BPTF: variants seen among roughly 807,000 people sequenced by gnomAD.
BPTF encodes bromodomain PHD finger transcription factor.
A neutral mutation model predicts 292.5 loss-of-function variants in BPTF; 18 were observed. That is an observed-to-expected ratio of 0.06 (90% CI 0.04 to 0.09). The LOEUF is 0.09. Ranked by LOEUF, BPTF falls within the 10% of genes least tolerant of loss-of-function variation. The pLI is 1.00. For synonymous variants in BPTF, 1,225 were observed against 1,251.9 expected (o/e 0.98, Z 0.45); for missense variants, 2,726 against 3,498.7 (o/e 0.78, Z 5.57).
rs112421831 is a variant in BPTF, at chr17:67,949,676, C to T, written c.7926+1370C>T. Among the ~76,000 whole-genome samples, 132 of 28,042 alleles carry T rather than the reference C, an allele frequency of 4.7e-3. No homozygotes were observed. The East Asian group carries it at 0.11, about 23-fold the overall frequency. 18.4% of individuals were successfully genotyped at this position (28,042 alleles called of 152,430 possible). On this transcript the variant is annotated intron_variant, in intron 23 of 27. Transcript: ENST00000306378. ...ATACACACAGACATATATATATATA[C>T]ACACAGACATACATATATATATACA...
intron 2 of BPTF, among the ~76,000 whole-genome samples, chr17:67,864,060 A>T (rs1052785844): frequency 6.6e-5 from 10 of 152,150 alleles, no homozygotes; most frequent in African/African-American, 2.4e-4. Context: ...GAGCCTGAGG[A>T]ACATGGTAGG....
chr17:67,967,816 C>CAAA (rs58143986), intron 26 of BPTF, among the ~76,000 whole-genome samples: 33 of 97,158 alleles, frequency 3.4e-4, no homozygotes, highest in African/African-American at 1.2e-3. Flanking sequence ...GAGACTCTGT[C>CAAA]AAAAAAAAAA....
intron 4 of BPTF, among the ~76,000 whole-genome samples, chr17:67,882,291 G>C (rs1192397279): frequency 6.6e-6 from 1 of 151,992 alleles, no homozygotes; most frequent in Non-Finnish European, 1.5e-5. Context: ...GATACTTTTT[G>C]TTGTTGGGCT....
At chr17:67,873,046 C>A (rs1407525855) in intron 3 of BPTF, among the ~76,000 whole-genome samples, 2 of 152,016 alleles carry the variant, frequency 1.3e-5, no homozygotes, top group Non-Finnish European at 2.9e-5. Flanking sequence ...GTGATCACAC[C>A]AGTGTACTCC....
At chr17:67,907,708 AGT>A (rs1272100422) in intron 9 of BPTF, among the ~76,000 whole-genome samples, 1 of 152,050 alleles carries the variant, frequency 6.6e-6, no homozygotes, top group African/African-American at 2.4e-5. Context: ...TTAATCCTGC[AGT>A]GTTTTAAAAT....
At chr17:67,886,524 T>C (rs934983816) in intron 4 of BPTF, among the ~76,000 whole-genome samples, 14 of 152,110 alleles carry the variant, frequency 9.2e-5, no homozygotes, top group African/African-American at 3.4e-4. Flanking sequence ...TCAATGTTTT[T>C]GTTTTCAAAA....
At position 67,855,976 on chromosome 17, in the gene BPTF, T is replaced by G. The variant is rs952472756; in HGVS notation, c.1436+1214T>G. ...TACAGTGATACGCCCTTGTGTGGGCTGCTTTCATCCACGAGGTATTTTTGG... is the reference window on the plus strand; with the variant it reads ...TACAGTGATACGCCCTTGTGTGGGCGGCTTTCATCCACGAGGTATTTTTGG... On this transcript the variant is annotated intron_variant, in intron 2 of 27. Coordinates refer to ENST00000306378, the MANE Select transcript of BPTF (RefSeq NM_182641.4). Among the ~76,000 whole-genome samples, 20 of 152,230 alleles carry G rather than the reference T, an allele frequency of 1.3e-4. 1 individual carries two copies. The highest frequency in any genetic ancestry group is 1.5e-5 in the Non-Finnish European group (1 of 68,036).
At chr17:67,844,766 G>C (rs950028830) in intron 1 of BPTF, among the ~76,000 whole-genome samples, 7 of 151,150 alleles carry the variant, frequency 4.6e-5, no homozygotes, top group African/African-American at 1.7e-4. Flanking sequence ...TTTTTGAGAC[G>C]GAGTTTCACT....
chr17:67,977,854 A>AT (rs1206675293), intron 27 of BPTF: 1 of 150,286 alleles, frequency 6.7e-6, no homozygotes, highest in Non-Finnish European at 1.5e-5. Context: ...AAAAAAAAAA[A>AT]GTATCTTTTT....
intron 4 of BPTF, chr17:67,875,495 C>A: frequency 1.5e-6 from 2 of 1,321,862 alleles, no homozygotes; most frequent in East Asian, 5.3e-5. Context: ...TGAATGTGGC[C>A]ATTTGCCCTG....
chr17:67,837,873 A>G (rs1198446170), intron 1 of BPTF, among the ~76,000 whole-genome samples: 1 of 152,174 alleles, frequency 6.6e-6, no homozygotes, highest in Non-Finnish European at 1.5e-5. Flanking sequence ...TACCTCCCAA[A>G]TGGCAGGATG....
Position 67,915,263 on chromosome 17 carries a change from G to T in BPTF, c.5303+2076G>T, listed in dbSNP as rs541300619. The stretch of plus-strand genomic sequence containing the variant: ...TGATTCTGTGCTTCATTTTCACATT[G>T]AACTGATAGTTGTCCTCCACAGTGC... On this transcript the variant is annotated intron_variant, in intron 11 of 27. Coordinates refer to ENST00000306378, the MANE Select transcript of BPTF (RefSeq NM_182641.4). Among the ~76,000 whole-genome samples the T allele has an allele frequency of 2.6e-5, 4 of 152,098 alleles. No homozygotes were observed. The South Asian group carries it at 8.3e-4, about 32-fold the overall frequency.
intron 8 of BPTF, 41 bp from the exon 9 acceptor site, chr17:67,904,661 T>A: frequency 6.8e-7 from 1 of 1,476,480 alleles, no homozygotes; most frequent in Non-Finnish European, 9.3e-7. Context: ...ATAAGCATTG[T>A]TATTCTTATT....
rs2065621790 is a variant in BPTF at position 67,944,198 on chromosome 17, A to G, written c.6526A>G (p.Thr2176Ala). The G allele has an allele frequency of 6.2e-7, 1 of 1,614,238 alleles. No individual in the cohort carries two copies. Among genetic ancestry groups the G allele is most frequent in the Non-Finnish European group, 8.5e-7 (1 of 1,180,044 alleles). The change falls in exon 20 of 28, where the codon ACT becomes GCT. Residue 2176 changes from threonine to alanine, a missense_variant. Thr to Ala is a moderately conservative substitution (Grantham distance 58). Around this residue, in one of 22 missense-constraint regions of BPTF, gnomAD observed 570 missense variants for 633.5 expected, o/e 0.90. Coordinates refer to ENST00000306378, the MANE Select transcript of BPTF (RefSeq NM_182641.4). ...AGTAATTCAAGGACAAGGTCAAACT[A>G]CTGGACAGTTGCAGTTGATACCTCA... ...TVVIQGQGQT[T>A]GQLQLIPQGV...
chr17:67,947,965 G>A (rs1019228146), intron 22 of BPTF, 116 bp from the exon 23 acceptor site: 35 of 1,270,296 alleles, frequency 2.8e-5, no homozygotes, highest in Non-Finnish European at 3.7e-5. Context: ...AACCACTCTT[G>A]ACGTTTTCCA....
At chr17:67,887,450 T>G (rs1225528850) in intron 4 of BPTF, among the ~76,000 whole-genome samples, 1 of 152,180 alleles carries the variant, frequency 6.6e-6, no homozygotes, top group Non-Finnish European at 1.5e-5. Context: ...ATCAATCTTT[T>G]TCTTTAGAGT....
intron 1 of BPTF, among the ~76,000 whole-genome samples, chr17:67,845,973 G>A (rs1378963758): frequency 6.6e-6 from 1 of 151,886 alleles, no homozygotes; most frequent in Non-Finnish European, 1.5e-5. Flanking sequence ...TCTTTCAAAG[G>A]CTAAAAGACA....
chr17:67,976,957 C>T (rs187811639), intron 27 of BPTF, among the ~76,000 whole-genome samples: 1 of 151,960 alleles, frequency 6.6e-6, no homozygotes, highest in Non-Finnish European at 1.5e-5. Context: ...CTACATACAT[C>T]GCTATAAAAT....
chr17:67,900,219 C>T (rs547973542), intron 7 of BPTF, among the ~76,000 whole-genome samples: 2 of 152,028 alleles, frequency 1.3e-5, no homozygotes, highest in South Asian at 2.1e-4. Flanking sequence ...ATTCTCCTGC[C>T]TCAGCCTGCT....
Sources: allele counts gnomAD v4.1 joint callset (sites outside exome capture counted in the v4.1 genomes callset), GRCh38; gene constraint gnomAD v4.1.1; regional missense constraint gnomAD v4.1.1; transcripts MANE v1.5; gene names NCBI Gene and HGNC (gene_info 2026-07-23, HGNC 2026-07-21).